Variants in USB1 observed in about 807,000 individuals in gnomAD.
USB1 encodes U6 snRNA biogenesis phosphodiesterase 1.
In USB1, 21 loss-of-function variants were observed where a neutral mutation model predicts 29.9. That is an observed-to-expected ratio of 0.70 (90% confidence interval 0.50 to 1.01). The LOEUF (loss-of-function observed/expected upper bound fraction) is 1.01. Among genes scored for constraint, USB1 ranks in the 50% least tolerant of loss-of-function variants. The pLI, the probability that USB1 is intolerant of heterozygous loss-of-function variation, is 0.00. For synonymous variants in USB1, 143 were observed against 134.9 expected, an observed-to-expected ratio of 1.06 and a Z score of -0.42; for missense variants, 330 against 347.1, an observed-to-expected ratio of 0.95 and a Z score of 0.39.
At chr16:58,019,081 A>T (rs761946853) in intron 6 of USB1, 26 bp downstream of exon 6, 1 of 1,611,430 alleles carries the variant, frequency 6.2e-7, no homozygotes, top group Non-Finnish European at 8.5e-7. Context: ...GGGAGCACAG[A>T]GGGCGCTGAA....
intron 3 of USB1, 117 bp from the exon 4 acceptor site, chr16:58,014,156 T>A (rs1172505409): frequency 4.4e-5 from 36 of 815,916 alleles, no homozygotes; most frequent in Non-Finnish European, 7.2e-5. Flanking sequence ...GGGGTGATAA[T>A]ATGAAGTGCA....
rs759921215 is a variant in USB1 at position 58,020,422 on chromosome 16, CTT to C, written c.*179_*180del. On this transcript the variant is annotated 3_prime_UTR_variant, in exon 7 of 7. Transcript: ENST00000219281. ...CTGAGTGCTGATATTCTCTCTCTCT[CTT>C]TCTCTTCCTCTTCTTTCTCTCTCTT... The C allele has an allele frequency of 1.3e-3, 878 of 651,420 alleles. 1 individual carries two copies. Among genetic ancestry groups the C allele is most frequent in the Non-Finnish European group, 1.9e-3 (685 of 359,144 alleles). The allele number at this position is 651,420 out of a possible 1,614,324, so 40.4% of individuals were successfully genotyped here.
chr16:58,008,820 C>T (rs1483642123), intron 2 of USB1, among the ~76,000 whole-genome samples: 1 of 150,960 alleles, frequency 6.6e-6, no homozygotes. Context: ...TTGCTGCATT[C>T]CACAAGTTTT....
At chr16:58,018,367 G>A (rs2142312800) in intron 5 of USB1, among the ~76,000 whole-genome samples, 1 of 151,960 alleles carries the variant, frequency 6.6e-6, no homozygotes, top group South Asian at 2.1e-4. Context: ...GGGACTACAT[G>A]TGTACAACAC....
At chr16:58,006,517 G>A (rs1371010227) in intron 2 of USB1, among the ~76,000 whole-genome samples, 1 of 151,962 alleles carries the variant, frequency 6.6e-6, no homozygotes, top group African/African-American at 2.4e-5. Flanking sequence ...AAATTAGCTG[G>A]GCATGGTGGC....
At chr16:58,000,956 C>T (rs1355206637), upstream of USB1, among the ~76,000 whole-genome samples, 2 of 152,098 alleles carry the variant, frequency 1.3e-5, no homozygotes, top group Non-Finnish European at 2.9e-5. This position sits in a 1 kb window ranked among gnomAD's most constrained non-coding sequence, Gnocchi z 4.5. Flanking sequence ...CGGCTCTGCG[C>T]AGGAGAGGAG....
Position 58,012,605 on chromosome 16 carries a change from G to A in USB1, c.450-1668G>A, listed in dbSNP as rs1963522233. On this transcript the variant is annotated intron_variant, in intron 3 of 6. Transcript: ENST00000219281. ...CCCTCTCTGATTGGCTTCAGCACAA[G>A]TCACAGGAATGACTGCCTGGTCTGA... 37 of 1,374,802 alleles carry A rather than the reference G, an allele frequency of 2.7e-5. No individual in the cohort carries two copies. The South Asian group carries it at 5.3e-4, about 20-fold the overall frequency. The allele number at this position is 1,374,802 out of a possible 1,614,324, so 85.2% of individuals were successfully genotyped here. A position where few individuals can be genotyped will look rare whatever the true frequency, so the allele number is the denominator to read the frequency against.
At chr16:58,011,797 T>G (rs1172215638) in intron 3 of USB1, 1 of 988,066 alleles carries the variant, frequency 1.0e-6, no homozygotes, top group Admixed American at 6.0e-5. Context: ...GGACTGTGGC[T>G]TCTCTCTGAA....
chr16:58,010,993 C>G (rs1207683993), intron 3 of USB1: 2 of 703,560 alleles, frequency 2.8e-6, no homozygotes, highest in Non-Finnish European at 5.2e-6. Flanking sequence ...AGCTTCTAAT[C>G]ATGCCTTGCT....
At chr16:58,008,638 A>C (rs796357131) in intron 2 of USB1, among the ~76,000 whole-genome samples, 6 of 151,870 alleles carry the variant, frequency 4.0e-5, no homozygotes, top group African/African-American at 1.2e-4. Context: ...TTTTTAGTAG[A>C]GACGGGGTGT....
At chr16:58,003,628 C>T (rs536100418) in intron 2 of USB1, among the ~76,000 whole-genome samples, 2 of 152,176 alleles carry the variant, frequency 1.3e-5, no homozygotes, top group Non-Finnish European at 2.9e-5. Context: ...TGATCCAGAT[C>T]ATCTTTTCAA....
chr16:58,010,245 C>T, intron 3 of USB1, 133 bp downstream of exon 3: 2 of 1,073,594 alleles, frequency 1.9e-6, no homozygotes, highest in Non-Finnish European at 2.7e-6. Context: ...CCTGGGGCTG[C>T]CTGCTCTACT....
rs1371987571 is a variant in USB1, at chr16:58,021,174, C to A, written c.*929C>A. The A allele has an allele frequency of 6.6e-6, 1 of 152,252 alleles. No homozygotes were observed. The highest frequency in any genetic ancestry group is 2.4e-5 in the African/African-American group (1 of 41,460). 9.4% of individuals were successfully genotyped at this position (152,252 alleles called of 1,614,324 possible). A position where few individuals can be genotyped will look rare whatever the true frequency, so the allele number is the denominator to read the frequency against. ...CACCCTGCTCCTGTACCAGCAGGGG[C>A]CACTTCAAAGCCAAGGTACAGGGTG... On this transcript the variant is annotated 3_prime_UTR_variant, in exon 7 of 7. Transcript: ENST00000219281.
At chr16:58,004,820 C>T (rs1963313298) in intron 2 of USB1, among the ~76,000 whole-genome samples, 1 of 152,132 alleles carries the variant, frequency 6.6e-6, no homozygotes, top group Admixed American at 6.5e-5. Context: ...GAAATAAAGA[C>T]ACAAGACAAA....
upstream of USB1, chr16:58,001,331 C>T (rs1963178509): frequency 1.2e-6 from 1 of 868,346 alleles, no homozygotes; most frequent in Admixed American, 2.1e-5. Context: ...GAATCTTCAC[C>T]ACTGTCCTGC....
At chr16:58,008,362 T>A (rs1963408585) in intron 2 of USB1, among the ~76,000 whole-genome samples, 1 of 152,182 alleles carries the variant, frequency 6.6e-6, no homozygotes, top group South Asian at 2.1e-4. Flanking sequence ...ATTATTTCTT[T>A]ACTTCTGCTT....
intron 4 of USB1, 61 bp downstream of exon 4, chr16:58,014,387 GCTTT>G: frequency 2.1e-6 from 3 of 1,455,596 alleles, no homozygotes; most frequent in Non-Finnish European, 2.9e-6. Flanking sequence ...AAAATTGAGT[GCTTT>G]GTTTCTGGAC....
chr16:58,020,092 T>C, intron 6 of USB1, 49 bp from the exon 7 acceptor site: 1 of 1,592,302 alleles, frequency 6.3e-7, no homozygotes, highest in Non-Finnish European at 8.6e-7. Context: ...GCCCTGTGGG[T>C]CCCAGATGCC....
At chr16:58,012,720 C>G in intron 3 of USB1, 1 of 1,084,070 alleles carries the variant, frequency 9.2e-7, no homozygotes, top group Non-Finnish European at 1.1e-6. Flanking sequence ...TGCGGAAGCT[C>G]TGCCCCTGGA....
Sources: allele counts gnomAD v4.1 joint callset (sites outside exome capture counted in the v4.1 genomes callset), GRCh38; gene constraint gnomAD v4.1.1; non-coding constraint Gnocchi (gnomAD v3.1); transcripts MANE v1.5; gene names NCBI Gene and HGNC (gene_info 2026-07-23, HGNC 2026-07-21).